Variants in SMG1 observed in about 807,000 individuals in gnomAD.
SMG1 encodes the protein SMG1 nonsense mediated mRNA decay associated PI3K related kinase.
Under a neutral mutation model 419.9 loss-of-function variants are expected in SMG1, and 22 were observed. The observed-to-expected ratio is 0.05, with a 90% CI of 0.04 to 0.07. The LOEUF is 0.07. Ranked by LOEUF, SMG1 falls within the 10% of genes least tolerant of loss-of-function variation. The pLI is 1.00. For missense variants in SMG1, 3,185 were observed against 4,342.0 expected (o/e 0.73, Z 7.49); for synonymous variants, 1,538 against 1,553.5 (o/e 0.99, Z 0.23).
chr16:18,842,376 C>A lies in SMG1; in HGVS notation c.6298G>T (p.Ala2100Ser). 1 of 1,613,984 alleles carries A rather than the reference C, an allele frequency of 6.2e-7. No individual in the cohort carries two copies. The highest frequency in any genetic ancestry group is 8.5e-7 in the Non-Finnish European group (1 of 1,179,870). The change falls in exon 40 of 63, where the codon GCT (alanine) becomes TCT (serine). Residue 2100 changes from alanine (A) to serine (S), a missense_variant. By Grantham distance (99) the Ala-to-Ser change is moderately conservative. Transcript: ENST00000446231. ...LRLEEISPWL[A>S]AMTNTEIALP... The stretch of plus-strand genomic sequence containing the variant: ...GCAATTTCAGTGTTAGTCATGGCAG[C>A]CAACCATGGACTGATTTCTTCAAGA...
intron 57 of SMG1, 99 bp downstream of exon 57, chr16:18,817,192 T>G: frequency 1.1e-5 from 10 of 917,130 alleles, no homozygotes; most frequent in East Asian, 4.2e-5. Flanking sequence ...TTACATACAG[T>G]ATATGCTCAA....
At chr16:18,921,797 T>A (rs1156882465) in intron 1 of SMG1, among the ~76,000 whole-genome samples, 1 of 152,228 alleles carries the variant, frequency 6.6e-6, no homozygotes, top group East Asian at 1.9e-4. Context: ...GCTTTTCTAA[T>A]TTCACAACAC....
intron 31 of SMG1, 52 bp from the exon 32 acceptor site, chr16:18,852,514 C>A (rs1019081021): frequency 1.5e-6 from 2 of 1,373,794 alleles, no homozygotes; most frequent in Non-Finnish European, 9.6e-7. Flanking sequence ...AACAATGTTA[C>A]ATTCATAAAT....
intron 60 of SMG1, among the ~76,000 whole-genome samples, chr16:18,812,597 TACACATATATATACATAC>T (rs71141066): frequency 1.4e-5 from 2 of 142,426 alleles, no homozygotes; most frequent in Admixed American, 7.1e-5. Flanking sequence ...TACATATATA[TACACATATATATACATAC>T]ACACATATAT....
intron 60 of SMG1, among the ~76,000 whole-genome samples, chr16:18,813,682 C>T (rs979144603): frequency 7.9e-5 from 12 of 152,122 alleles, no homozygotes; most frequent in African/African-American, 2.2e-4. Context: ...TTCCATTTTT[C>T]AATTTTGGCT....
In SMG1 at chr16:18,806,494, C is replaced by G. The variant is rs1265060528; in HGVS notation, c.*3075G>C. Reference sequence around the variant, plus strand: ...CTTAATAATCATCTAGCAAACTACACTAAGAACTCAATGACCAAAAATAAT... The same window carrying G: ...CTTAATAATCATCTAGCAAACTACAGTAAGAACTCAATGACCAAAAATAAT... On this transcript the variant is annotated 3_prime_UTR_variant, in exon 63 of 63. Transcript: ENST00000446231. The G allele has an allele frequency of 6.6e-6, 1 of 152,380 alleles. No individual in the cohort carries two copies. The highest frequency in any genetic ancestry group is 6.5e-5 in the Admixed American group (1 of 15,284). 9.4% of individuals were successfully genotyped at this position (152,380 alleles called of 1,614,324 possible). A position where few individuals can be genotyped will look rare whatever the true frequency, so the allele number is the denominator to read the frequency against.
intron 1 of SMG1, among the ~76,000 whole-genome samples, chr16:18,903,490 T>G (rs1172596161): frequency 1.3e-5 from 2 of 152,214 alleles, no homozygotes; most frequent in African/African-American, 4.8e-5. Context: ...CTCCCACCAC[T>G]ACCAGTGGAT....
In SMG1 at chr16:18,849,368, C is replaced by A. The variant is rs371596469; in HGVS notation, c.5472G>T (p.Pro1824=). ...TPTAPWRGII[P]QLFSRLNHPE... The stretch of plus-strand genomic sequence containing the variant: ...GGTGGTTTAAGCGTGAGAAAAGTTG[C>A]GGAATAATTCCTTCAGGACAAGAAG... Residue 1824 remains proline, a synonymous_variant, in exon 36 of 63, where the codon CCG becomes CCT. Coordinates refer to ENST00000446231, the MANE Select transcript of SMG1 (RefSeq NM_015092.5). 6.3e-5 allele frequency: 101 copies of A among 1,609,476 alleles called. No individual in the cohort carries two copies. The Admixed American group carries it at 1.5e-3, about 25-fold the overall frequency.
At chr16:18,818,587 A>G (rs71382569) in intron 56 of SMG1, among the ~76,000 whole-genome samples, 14,398 of 152,016 alleles carry the variant, frequency 0.095, 737 homozygotes, top group Middle Eastern at 0.17. Flanking sequence ...TTTATAGATA[A>G]AATTATGCAC....
intron 23 of SMG1, 137 bp downstream of exon 23, chr16:18,866,484 G>A (rs1567392418): frequency 1.3e-6 from 1 of 786,044 alleles, no homozygotes. Flanking sequence ...GACGCCTCCT[G>A]GTGAAGTGAT....
At chr16:18,829,043 A>G (rs1271308209) in intron 54 of SMG1, among the ~76,000 whole-genome samples, 1 of 152,150 alleles carries the variant, frequency 6.6e-6, no homozygotes, top group African/African-American at 2.4e-5. Context: ...TGCTTATCAT[A>G]CAGCCTTGAT....
chr16:18,836,944 A>G (rs1448876796), intron 46 of SMG1, among the ~76,000 whole-genome samples: 1 of 152,204 alleles, frequency 6.6e-6, no homozygotes, highest in Non-Finnish European at 1.5e-5. Flanking sequence ...ACAAATGAGT[A>G]AGGACTCAAG....
Position 18,853,885 on chromosome 16 carries a change from G to A in SMG1, c.4484-18C>T, listed in dbSNP as rs748850876. 9.1e-5 allele frequency: 145 copies of A among 1,591,586 alleles called. No individual in the cohort carries two copies. Among genetic ancestry groups the A allele is most frequent in the Non-Finnish European group, 1.2e-4 (135 of 1,167,622 alleles). ...TGACTGGCCTACAGAAAACCACAAA[G>A]TCAGAACTTAGAACCTTTAAAAGCA... On this transcript the variant is annotated intron_variant, in intron 30 of 62. Coordinates refer to ENST00000446231, the MANE Select transcript of SMG1 (RefSeq NM_015092.5).
At chr16:18,898,007 C>A (rs35368384) in intron 1 of SMG1, among the ~76,000 whole-genome samples, 28,026 of 152,148 alleles carry the variant, frequency 0.18, 2,669 homozygotes, top group Middle Eastern at 0.26. Context: ...CAAGGCCAGA[C>A]ACTAAGCTAT....
At chr16:18,813,155 C>T (rs1426923302) in intron 60 of SMG1, among the ~76,000 whole-genome samples, 2 of 152,138 alleles carry the variant, frequency 1.3e-5, no homozygotes, top group Admixed American at 6.5e-5. Flanking sequence ...TTTATAGCAG[C>T]ATGATTTATA....
At chr16:18,865,786 C>T (rs931430645) in intron 23 of SMG1, among the ~76,000 whole-genome samples, 13 of 151,918 alleles carry the variant, frequency 8.6e-5, no homozygotes, top group African/African-American at 2.9e-4. Flanking sequence ...GCTCAGCCTC[C>T]CAAGTAGCTG....
chr16:18,880,894 T>C (rs192535659), intron 10 of SMG1, among the ~76,000 whole-genome samples: 4 of 150,008 alleles, frequency 2.7e-5, no homozygotes, highest in African/African-American at 9.8e-5. Flanking sequence ...GCAGGAGCTA[T>C]AGTGGGAAGA....
chr16:18,901,074 T>TAAAAC (rs6145776), intron 1 of SMG1, among the ~76,000 whole-genome samples: 27,967 of 152,104 alleles, frequency 0.18, 2,653 homozygotes, highest in Middle Eastern at 0.26. Context: ...TCAAATTTAA[T>TAAAAC]AGAACCATTC....
Position 18,837,428 on chromosome 16 carries a change from T to C in SMG1, c.7429A>G (p.Asn2477Asp). The C allele has an allele frequency of 6.2e-7, 1 of 1,612,946 alleles. No homozygotes were observed. Among genetic ancestry groups the C allele is most frequent in the Admixed American group, 1.7e-5 (1 of 59,810 alleles). Reference protein sequence around the residue: ...VAEIKVNWFKNRDEMLVVLPK... With the variant: ...VAEIKVNWFKDRDEMLVVLPK... ...AGCACAACCAGCATCTCATCTCTAT[T>C]CTTAAACCAGTTCACCTGTAAAAAG... The change falls in exon 46 of 63, where the codon AAT becomes GAT. Residue 2477 changes from asparagine to aspartate, a missense_variant. Transcript: ENST00000446231.
Sources: allele counts gnomAD v4.1 joint callset (sites outside exome capture counted in the v4.1 genomes callset), GRCh38; gene constraint gnomAD v4.1.1; transcripts MANE v1.5; gene names NCBI Gene and HGNC (gene_info 2026-07-23, HGNC 2026-07-21).